The following AP4E1 variants were observed in gnomAD, a reference collection of about 807,000 sequenced individuals.
AP4E1 encodes the protein AP-4 complex subunit epsilon-1.
In AP4E1, 56 loss-of-function variants were observed where a neutral mutation model predicts 128.2. The observed-to-expected ratio is 0.44, with a 90% CI of 0.35 to 0.55. The LOEUF (loss-of-function observed/expected upper bound fraction) is 0.55. Ranked by LOEUF, AP4E1 falls within the 20% of genes least tolerant of loss-of-function variation. The pLI is 0.00. For missense variants in AP4E1, 1,324 were observed against 1,307.7 expected (o/e 1.01, Z -0.19); for synonymous variants, 484 against 473.1 (o/e 1.02, Z -0.30).
At position 50,958,738 on chromosome 15, in the gene AP4E1, A is replaced by G; in HGVS notation, c.1795A>G (p.Asn599Asp). The change falls in exon 14 of 21, where the codon AAT (asparagine) becomes GAT (aspartate). Residue 599 changes from asparagine to aspartate, a missense_variant. By Grantham distance (23) the Asn-to-Asp change is conservative. Transcript: ENST00000261842. The part of the protein sequence containing the change: ...HAFELKHLHE[N>D]VELMKSLLPV... ...ATTTGAATTAAAACATTTGCATGAG[A>G]ATGTGGAACTTATGAAGAGCTTGCT... is the stretch of plus-strand genomic sequence containing the variant. 6.2e-7 allele frequency: 1 copy of G among 1,614,178 alleles called. No homozygotes were observed. Among genetic ancestry groups the G allele is most frequent in the Non-Finnish European group, 8.5e-7 (1 of 1,180,016 alleles).
At chr15:50,911,924 A>C (rs966865295) in intron 1 of AP4E1, among the ~76,000 whole-genome samples, 154 bp from the exon 2 acceptor site, 1 of 152,252 alleles carries the variant, frequency 6.6e-6, no homozygotes, top group Admixed American at 6.5e-5. Context: ...ATGCCTTTAG[A>C]TAGATCGTAA....
intron 15 of AP4E1, among the ~76,000 whole-genome samples, chr15:50,968,842 T>C (rs529711886): frequency 6.6e-5 from 8 of 121,728 alleles, no homozygotes; most frequent in African/African-American, 2.0e-4. Context: ...GCCAGGCTGG[T>C]TTCAAACTTC....
chr15:50,911,629 C>T (rs1025097432), intron 1 of AP4E1, among the ~76,000 whole-genome samples: 3 of 150,544 alleles, frequency 2.0e-5, no homozygotes, highest in African/African-American at 7.4e-5. Context: ...TCTGGGATTA[C>T]AGGACCCCCA....
chr15:50,982,579 G>A (rs746722822), intron 15 of AP4E1, among the ~76,000 whole-genome samples: 2 of 152,196 alleles, frequency 1.3e-5, no homozygotes, highest in African/African-American at 4.8e-5. Flanking sequence ...TTTGGAAACT[G>A]TTGACGTAGT....
Position 50,929,846 on chromosome 15 carries a change from C to G in AP4E1, c.702+678C>G, listed in dbSNP as rs1334132998. On this transcript the variant is annotated intron_variant, in intron 6 of 20. Coordinates refer to ENST00000261842, the MANE Select transcript of AP4E1 (RefSeq NM_007347.5). ...AATTTTATTTTTTCCTTAACATTTA[C>G]TAAAATTTGAAAGAGCTTTATTTCC... is the stretch of plus-strand genomic sequence containing the variant. Among the ~76,000 whole-genome samples, 14 of 151,966 alleles carry G rather than the reference C, an allele frequency of 9.2e-5. 1 individual carries two copies. Among genetic ancestry groups the G allele is most frequent in the Admixed American group, 9.2e-4 (14 of 15,264 alleles).
intron 6 of AP4E1, 104 bp from the exon 7 acceptor site, chr15:50,930,700 TA>T: frequency 9.0e-7 from 1 of 1,115,830 alleles, no homozygotes; most frequent in Non-Finnish European, 1.3e-6. Context: ...AATGTGAACA[TA>T]AACTTAAGTA....
In AP4E1 at chr15:50,958,972, G is replaced by A. The variant is rs74456643; in HGVS notation, c.1851+178G>A. On this transcript the variant is annotated intron_variant, in intron 14 of 20. Transcript: ENST00000261842. ...AATCTGAAAGCTCCCAGCACTTTGG[G>A]AGGCTGAGGTGGGTGGATCACCTGA... Among the ~76,000 whole-genome samples, 26,794 of 152,124 alleles carry A rather than the reference G, an allele frequency of 0.18. 3,130 individuals are homozygous for A. The highest frequency in any genetic ancestry group is 0.45 in the East Asian group (2,328 of 5,170).
chr15:50,998,501 G>A (rs1185123350), intron 18 of AP4E1, among the ~76,000 whole-genome samples: 1 of 152,002 alleles, frequency 6.6e-6, no homozygotes, highest in Non-Finnish European at 1.5e-5. Flanking sequence ...ATGGTGGTAC[G>A]CACCTGTAAT....
Position 50,929,045 on chromosome 15 carries a change from C to T in AP4E1, c.579C>T (p.Tyr193=), listed in dbSNP as rs2063800139. 1 of 1,613,788 alleles carries T rather than the reference C, an allele frequency of 6.2e-7. No homozygotes were observed. The highest frequency in any genetic ancestry group is 1.3e-5 in the African/African-American group (1 of 75,010). The change falls in exon 6 of 21, where the codon TAC becomes TAT. Residue 193 remains tyrosine, a synonymous_variant. Coordinates refer to ENST00000261842, the MANE Select transcript of AP4E1 (RefSeq NM_007347.5). Reference sequence around the variant, plus strand: ...GAAGAAAAGCTGTTCTGGCATTATACAAATTCCATCTCATTGCTCCTAATC... The same window carrying T: ...GAAGAAAAGCTGTTCTGGCATTATATAAATTCCATCTCATTGCTCCTAATC... ...IVRRKAVLAL[Y]KFHLIAPNQV...
chr15:50,939,299 C>G (rs1201865828), intron 8 of AP4E1, among the ~76,000 whole-genome samples: 1 of 151,902 alleles, frequency 6.6e-6, no homozygotes, highest in African/African-American at 2.4e-5. Context: ...ATGGTGAAAC[C>G]CTGTCTCTAC....
chr15:50,951,124 TG>T (rs1006438731), intron 13 of AP4E1, among the ~76,000 whole-genome samples: 45 of 152,322 alleles, frequency 3.0e-4, no homozygotes, highest in African/African-American at 9.6e-4. Flanking sequence ...ATAGTTTCTG[TG>T]GGTCAAGAGT....
intron 18 of AP4E1, among the ~76,000 whole-genome samples, chr15:50,998,359 C>T (rs1324218333): frequency 1.3e-5 from 2 of 151,780 alleles, no homozygotes; most frequent in Non-Finnish European, 2.9e-5. Context: ...GGGCCAGGTG[C>T]GGTGGCTTAT....
upstream of AP4E1, among the ~76,000 whole-genome samples, chr15:50,908,374 C>G (rs1252264495): frequency 6.6e-6 from 1 of 152,118 alleles, no homozygotes; most frequent in Non-Finnish European, 1.5e-5. Flanking sequence ...AAAGGCGCAG[C>G]CAGGAAGACG....
chr15:50,910,639 T>C (rs2063555427), intron 1 of AP4E1, among the ~76,000 whole-genome samples: 1 of 152,186 alleles, frequency 6.6e-6, no homozygotes, highest in Admixed American at 6.5e-5. Context: ...TCCAGAATCA[T>C]TACTTGTGGG....
chr15:50,920,199 T>C (rs1316743782), intron 3 of AP4E1, among the ~76,000 whole-genome samples: 2 of 140,662 alleles, frequency 1.4e-5, no homozygotes, highest in Non-Finnish European at 3.1e-5. Flanking sequence ...CTGCAAGCTC[T>C]GCCTCCCAGG....
At position 51,002,617 on chromosome 15, in the gene AP4E1, T is replaced by C; in HGVS notation, c.3369T>C (p.Pro1123=). 2 of 1,614,152 alleles carry C rather than the reference T, an allele frequency of 1.2e-6. No individual in the cohort carries two copies. The highest frequency in any genetic ancestry group is 1.7e-6 in the Non-Finnish European group (2 of 1,179,984). The change falls in exon 21 of 21, where the codon CCT becomes CCC. Residue 1123 remains proline, a synonymous_variant. Coordinates refer to ENST00000261842, the MANE Select transcript of AP4E1 (RefSeq NM_007347.5). ...TCAGATCCTCCTGTTCTACTCTTCC[T>C]GACTATTTACTGTATCAGTGTCAAA... is the stretch of plus-strand genomic sequence containing the variant. ...LWFRSSCSTL[P]DYLLYQCQKV...
chr15:50,963,178 G>A (rs2064339929), intron 14 of AP4E1, among the ~76,000 whole-genome samples: 1 of 150,670 alleles, frequency 6.6e-6, no homozygotes, highest in South Asian at 2.1e-4. Flanking sequence ...ATAGAAAACA[G>A]CACAGAGAGT....
At chr15:50,968,415 G>A in intron 15 of AP4E1, 38 bp downstream of exon 15, 3 of 1,435,962 alleles carry the variant, frequency 2.1e-6, no homozygotes, top group East Asian at 2.4e-5. Context: ...TAGAGTGTAG[G>A]GATGTAATTT....
intron 7 of AP4E1, among the ~76,000 whole-genome samples, chr15:50,932,239 A>G (rs886431359): frequency 6.6e-6 from 1 of 152,088 alleles, no homozygotes; most frequent in African/African-American, 2.4e-5. Flanking sequence ...TCAGCCTCCT[A>G]AAGTGCTGGG....
Sources: allele counts gnomAD v4.1 joint callset (sites outside exome capture counted in the v4.1 genomes callset), GRCh38; gene constraint gnomAD v4.1.1; transcripts MANE v1.5; gene names NCBI Gene and HGNC (gene_info 2026-07-23, HGNC 2026-07-21).